COLEC12: variants seen among roughly 807,000 people sequenced by gnomAD.
The protein encoded by COLEC12 is collectin subfamily member 12.
COLEC12 carries 33 observed loss-of-function variants against 71.1 expected under a neutral mutation model. The ratio of observed to expected loss-of-function variants is 0.46; its 90% CI spans 0.35 to 0.62. The LOEUF is 0.62. Among genes scored for constraint, COLEC12 ranks in the 20% least tolerant of loss-of-function variants. COLEC12 has a pLI of 0.00. For missense variants in COLEC12, 765 were observed against 916.1 expected (o/e 0.84, Z 2.13); for synonymous variants, 350 against 353.0 (o/e 0.99, Z 0.10).
intron 1 of COLEC12, among the ~76,000 whole-genome samples, chr18:487,484 G>A (rs1047561754): frequency 2.0e-5 from 3 of 152,146 alleles, no homozygotes; most frequent in African/African-American, 7.2e-5. Context: ...GAAAAAAAGA[G>A]AAGGAGTTGG....
At chr18:431,668 G>A (rs572047940) in intron 2 of COLEC12, among the ~76,000 whole-genome samples, 1 of 152,288 alleles carries the variant, frequency 6.6e-6, no homozygotes, top group Non-Finnish European at 1.5e-5. Flanking sequence ...CAGCTGGGTG[G>A]AGAGGTCCAG....
At chr18:369,400 T>TA (rs1914946826) in intron 2 of COLEC12, among the ~76,000 whole-genome samples, 7 of 136,926 alleles carry the variant, frequency 5.1e-5, no homozygotes, top group South Asian at 4.5e-4. Flanking sequence ...TTTTTTTATT[T>TA]TTTTTTATTT....
intron 3 of COLEC12, among the ~76,000 whole-genome samples, chr18:354,839 T>C (rs1363392408): frequency 3.3e-5 from 5 of 152,158 alleles, no homozygotes; most frequent in Admixed American, 6.5e-5. Context: ...TTTCCCCTTG[T>C]ACTTGCTCCC....
Position 333,136 on chromosome 18 carries a change from C to T in COLEC12, c.1824G>A (p.Pro608=), listed in dbSNP as rs771173973. The T allele has an allele frequency of 8.7e-6, 14 of 1,602,208 alleles. No individual in the cohort carries two copies. Among genetic ancestry groups the T allele is most frequent in the Admixed American group, 5.3e-5 (3 of 56,622 alleles). ...TGTCTGTGAAGTTCTTCCAGTGAGG[C>T]GGGCAGCCTAGGAATGCAAAAGTGG... The part of the protein sequence containing the change: ...PTPAPEDNGC[P]PHWKNFTDKC... Residue 608 remains proline (P), a synonymous_variant, in exon 7 of 10, where the codon CCG becomes CCA. Transcript: ENST00000400256.
intron 2 of COLEC12, among the ~76,000 whole-genome samples, chr18:365,966 G>A (rs1008938434): frequency 2.6e-5 from 4 of 152,138 alleles, no homozygotes; most frequent in Non-Finnish European, 5.9e-5. Flanking sequence ...TGGCTTTAGG[G>A]CTCGGGTTTT....
intron 2 of COLEC12, among the ~76,000 whole-genome samples, chr18:372,696 C>T (rs1915027101): frequency 1.3e-5 from 2 of 152,162 alleles, no homozygotes; most frequent in African/African-American, 2.4e-5. Context: ...GGGATTACAA[C>T]ATGAGCCACC....
intron 2 of COLEC12, among the ~76,000 whole-genome samples, chr18:405,821 C>T (rs545305622): frequency 2.0e-5 from 3 of 152,138 alleles, no homozygotes; most frequent in African/African-American, 7.2e-5. Context: ...ACCTGGCCTG[C>T]CGTTCATCTG....
chr18:459,521 G>A (rs761483881), intron 2 of COLEC12, among the ~76,000 whole-genome samples: 38 of 152,284 alleles, frequency 2.5e-4, no homozygotes, highest in African/African-American at 8.7e-4. Flanking sequence ...TGTAAAACCC[G>A]AGTGGAGATA....
At chr18:445,688 A>G (rs372367702) in intron 2 of COLEC12, among the ~76,000 whole-genome samples, 1 of 145,556 alleles carries the variant, frequency 6.9e-6, no homozygotes, top group East Asian at 2.0e-4. Flanking sequence ...GCTGGATTGC[A>G]GTGGTGCAAT....
intron 1 of COLEC12, among the ~76,000 whole-genome samples, chr18:488,503 T>C (rs950696304): frequency 6.6e-6 from 1 of 151,900 alleles, no homozygotes; most frequent in Non-Finnish European, 1.5e-5. Context: ...AGTCAAAATA[T>C]TACAGAAAGT....
chr18:321,608 C>T, intron 9 of COLEC12, 54 bp downstream of exon 9: 2 of 1,605,476 alleles, frequency 1.2e-6, no homozygotes, highest in East Asian at 2.2e-5. Flanking sequence ...CACCCCTCAC[C>T]CTTTCATAGG....
chr18:480,852 T>C lies in COLEC12; in HGVS notation c.8-95A>G, dbSNP rs1917401780. ...CGACCTGCTTCATCGCCCCTGCTTG[T>C]CACAGCAGCTTTCCTTCTGCTCGTG... On this transcript the variant is annotated intron_variant, in intron 1 of 9. Transcript: ENST00000400256. The surrounding 1 kb of genome is among the most constrained non-coding windows in gnomAD (Gnocchi z 4.1). The C allele has an allele frequency of 9.4e-7, 1 of 1,059,302 alleles. No homozygotes were observed. Among genetic ancestry groups the C allele is most frequent in the African/African-American group, 1.6e-5 (1 of 64,302 alleles). The allele number at this position is 1,059,302 out of a possible 1,614,324, so 65.6% of individuals were successfully genotyped here.
intron 2 of COLEC12, among the ~76,000 whole-genome samples, chr18:448,055 T>C (rs1296711748): frequency 6.6e-6 from 1 of 152,190 alleles, no homozygotes; most frequent in African/African-American, 2.4e-5. Flanking sequence ...GTTGTCTCCC[T>C]GTGACTGAAA....
rs758036249 is a variant in COLEC12, at chr18:357,501, C to A, written c.80G>T (p.Cys27Phe). ...TGCCCAGTTATTTTTACATTTGGTACATTGTGTTCCTTCCTGAATACCTGT... is the reference window on the plus strand; with the variant it reads ...TGCCCAGTTATTTTTACATTTGGTAAATTGTGTTCCTTCCTGAATACCTGT... ...KRFGIQEGTQCTKCKNNWALK... is the reference protein window; with the variant it reads ...KRFGIQEGTQFTKCKNNWALK... The change falls in exon 3 of 10, where the codon TGT becomes TTT. Residue 27 changes from cysteine (C) to phenylalanine (F), a missense_variant. Cys to Phe is a radical substitution (Grantham distance 205). Coordinates refer to ENST00000400256, the MANE Select transcript of COLEC12 (RefSeq NM_130386.3). The A allele has an allele frequency of 4.0e-5, 63 of 1,575,380 alleles. No homozygotes were observed. The highest frequency in any genetic ancestry group is 1.1e-4 in the Admixed American group (6 of 55,694).
intron 2 of COLEC12, among the ~76,000 whole-genome samples, chr18:473,984 T>C (rs1165313761): frequency 1.3e-5 from 2 of 152,352 alleles, no homozygotes; most frequent in East Asian, 3.9e-4. Context: ...GGAGTTATAC[T>C]TTAAATGGTG....
At chr18:405,121 T>C (rs1915760043) in intron 2 of COLEC12, among the ~76,000 whole-genome samples, 1 of 152,134 alleles carries the variant, frequency 6.6e-6, no homozygotes, top group Admixed American at 6.5e-5. Flanking sequence ...CCCTGGTAAA[T>C]TTGTGGTCAG....
intron 2 of COLEC12, among the ~76,000 whole-genome samples, chr18:419,179 T>TTCTAC (rs1480428525): frequency 3.3e-5 from 5 of 150,426 alleles, no homozygotes; most frequent in African/African-American, 5.0e-5. Flanking sequence ...TTCTATTCTA[T>TTCTAC]TCTATTCTAT....
chr18:480,717 G>A lies in COLEC12; in HGVS notation c.48C>T (p.Tyr16=). ...AEEEEVQSFG[Y]KRFGIQEGTQ... ...TTTGTTAGGACTCACCAAACCGCTT[G>A]TAACCGAAGGATTGCACCTCCTCCT... The change falls in exon 2 of 10, where the codon TAC becomes TAT. Residue 16 remains tyrosine, a synonymous_variant. Coordinates refer to ENST00000400256, the MANE Select transcript of COLEC12 (RefSeq NM_130386.3). The surrounding 1 kb of genome is among the most constrained non-coding windows in gnomAD (Gnocchi z 4.1). 1.2e-6 allele frequency: 2 copies of A among 1,614,048 alleles called. No homozygotes were observed. The highest frequency in any genetic ancestry group is 1.7e-6 in the Non-Finnish European group (2 of 1,179,938).
chr18:319,490 A>G lies in COLEC12; in HGVS notation c.*555T>C, dbSNP rs1223657713. ...TACCATTATTGTTTTCTTTGGCTCC[A>G]TGTATTATGTCGGTAAAATGACAAA... On this transcript the variant is annotated 3_prime_UTR_variant, in exon 10 of 10. Transcript: ENST00000400256. 6.8e-6 allele frequency: 1 copy of G among 147,724 alleles called. No individual in the cohort carries two copies. Among genetic ancestry groups the G allele is most frequent in the East Asian group, 2.0e-4 (1 of 5,102 alleles). 9.2% of individuals were successfully genotyped at this position (147,724 alleles called of 1,614,324 possible).
Sources: gnomAD v4.1 joint callset for allele counts (sites outside exome capture counted in the v4.1 genomes callset) on GRCh38, gnomAD v4.1.1 for gene constraint, Gnocchi (gnomAD v3.1) non-coding constraint, MANE v1.5 for transcripts, NCBI Gene and HGNC (gene_info 2026-07-23, HGNC 2026-07-21) for gene names.